The following PCDH15 variants were observed in gnomAD, a reference collection of about 807,000 sequenced individuals.
PCDH15 encodes protocadherin-15.
Under a neutral mutation model 178.5 loss-of-function variants are expected in PCDH15, and 129 were observed. That is an observed-to-expected ratio of 0.72 (90% CI 0.63 to 0.84). The LOEUF is 0.84. PCDH15 is among the 40% of genes least tolerant of loss of function. The pLI is 0.00. For synonymous variants in PCDH15, 800 were observed against 732.0 expected, an observed-to-expected ratio of 1.09 and a Z score of -1.50; for missense variants, 2,230 against 2,099.9, an observed-to-expected ratio of 1.06 and a Z score of -1.21.
intron 2 of PCDH15, among the ~76,000 whole-genome samples, chr10:55,128,232 C>CT (rs947724133): frequency 7.9e-5 from 12 of 151,762 alleles, no homozygotes; most frequent in Non-Finnish European, 1.5e-4. Context: ...TACTACCATC[C>CT]TTTTTTTTCT....
rs985293805 is a variant in PCDH15, at chr10:53,808,866, C to T, written c.4671+1690G>A. The T allele has an allele frequency of 3.7e-6, 6 of 1,606,128 alleles. No homozygotes were observed. The Admixed American group carries it at 1.0e-4, about 27-fold the overall frequency. ...CCTCCTCACTTTCCACACCTCCTTC[C>T]ACCGAAGCTGATTCTGCACTGCCCT... On this transcript the variant is annotated intron_variant, in intron 37 of 37. Coordinates refer to ENST00000644397, the MANE Select transcript of PCDH15 (RefSeq NM_001384140.1).
intron 8 of PCDH15, among the ~76,000 whole-genome samples, chr10:54,305,312 A>C (rs2060398027): frequency 6.6e-6 from 1 of 152,066 alleles, no homozygotes; most frequent in Non-Finnish European, 1.5e-5. Flanking sequence ...CTTAGAGAGG[A>C]ATATATTTTA....
chr10:53,824,748 A>C (rs148826248), intron 32 of PCDH15, among the ~76,000 whole-genome samples: 2 of 152,200 alleles, frequency 1.3e-5, no homozygotes, highest in East Asian at 3.9e-4. Flanking sequence ...TCGTGGTTTG[A>C]TTTCTCTTGG....
At chr10:54,369,607 T>G (rs1362419483) in intron 4 of PCDH15, among the ~76,000 whole-genome samples, 1 of 152,002 alleles carries the variant, frequency 6.6e-6, no homozygotes, top group Non-Finnish European at 1.5e-5. Flanking sequence ...ATATAAACTT[T>G]TAATTTGAAG....
At chr10:55,033,651 T>C (rs1840665569) in intron 2 of PCDH15, among the ~76,000 whole-genome samples, 1 of 152,202 alleles carries the variant, frequency 6.6e-6, no homozygotes, top group African/African-American at 2.4e-5. Flanking sequence ...GTTTCACTTA[T>C]ATGATGTTTA....
At chr10:55,193,853 AGAGTAGT>A (rs1840008917) in intron 1 of PCDH15, among the ~76,000 whole-genome samples, 1 of 151,942 alleles carries the variant, frequency 6.6e-6, no homozygotes, top group Non-Finnish European at 1.5e-5. Context: ...AGACATATTG[AGAGTAGT>A]GTTGCAGCTT....
chr10:54,946,759 C>T (rs1021563707), intron 2 of PCDH15, among the ~76,000 whole-genome samples: 6 of 151,692 alleles, frequency 4.0e-5, no homozygotes, highest in African/African-American at 2.4e-5. Flanking sequence ...CTTGATGGAG[C>T]AATTGTATGA....
chr10:54,615,993 T>C (rs149089799), intron 2 of PCDH15, among the ~76,000 whole-genome samples: 1,935 of 152,196 alleles, frequency 0.013, 44 homozygotes, highest in African/African-American at 0.045. Context: ...GGACTATACT[T>C]GGAAATTGTT....
chr10:54,874,649 A>G (rs1455994984), intron 3 of PCDH15, among the ~76,000 whole-genome samples: 1 of 152,198 alleles, frequency 6.6e-6, no homozygotes, highest in Non-Finnish European at 1.5e-5. Flanking sequence ...GACTTGAGAA[A>G]AAAACACTAA....
Position 54,066,880 on chromosome 10 carries a change from T to G in PCDH15, c.2097A>C (p.Ser699=). 1 of 1,613,112 alleles carries G rather than the reference T, an allele frequency of 6.2e-7. No homozygotes were observed. The highest frequency in any genetic ancestry group is 8.5e-7 in the Non-Finnish European group (1 of 1,179,350). ...TCACCACTATGTTTACTGTGGCAGT[T>G]GAGGTCTTAAAGAAAAACACAAGCA... ...TASDGRPDGT[S]TATVNIVVTD... The change falls in exon 18 of 38, where the codon TCA becomes TCC. Residue 699 remains serine, a synonymous_variant. Coordinates refer to ENST00000644397, the MANE Select transcript of PCDH15 (RefSeq NM_001384140.1).
intron 29 of PCDH15, among the ~76,000 whole-genome samples, chr10:53,839,237 AC>A (rs2077498786): frequency 6.7e-6 from 1 of 150,302 alleles, no homozygotes; most frequent in South Asian, 2.1e-4. Context: ...TTGATGAGTA[AC>A]ATGTTAAATA....
At chr10:54,543,487 C>T (rs1168381464) in intron 2 of PCDH15, among the ~76,000 whole-genome samples, 1 of 152,206 alleles carries the variant, frequency 6.6e-6, no homozygotes, top group Non-Finnish European at 1.5e-5. Flanking sequence ...ACCCCCAACG[C>T]ATGCCCTGCG....
At chr10:55,168,467 A>G (rs1350728366) in intron 1 of PCDH15, among the ~76,000 whole-genome samples, 1 of 152,238 alleles carries the variant, frequency 6.6e-6, no homozygotes, top group African/African-American at 2.4e-5. Flanking sequence ...TCCTGACTGG[A>G]CATTAGCTCT....
At chr10:54,796,208 T>C (rs1443892712) in intron 1 of PCDH15, among the ~76,000 whole-genome samples, 2 of 148,878 alleles carry the variant, frequency 1.3e-5, no homozygotes, top group East Asian at 3.9e-4. Context: ...GGCTCTCTTC[T>C]CTGTCTTTCT....
intron 23 of PCDH15, among the ~76,000 whole-genome samples, chr10:53,943,106 C>T (rs921932349): frequency 5.9e-5 from 9 of 152,106 alleles, no homozygotes; most frequent in African/African-American, 2.2e-4. Flanking sequence ...AAATTTTATA[C>T]TTTCCATAAT....
intron 2 of PCDH15, among the ~76,000 whole-genome samples, chr10:55,152,316 G>A (rs990621569): frequency 5.9e-5 from 9 of 151,548 alleles, no homozygotes; most frequent in African/African-American, 1.9e-4. Context: ...CACATAATAG[G>A]TCCGTATAGG....
intron 3 of PCDH15, among the ~76,000 whole-genome samples, chr10:54,387,780 C>CT (rs1214296532): frequency 6.6e-6 from 1 of 152,196 alleles, no homozygotes; most frequent in African/African-American, 2.4e-5. Flanking sequence ...TTTGAGACAG[C>CT]TCCCATCTCC....
chr10:54,449,207 T>A (rs1930149), intron 3 of PCDH15, among the ~76,000 whole-genome samples: 1 of 151,492 alleles, frequency 6.6e-6, no homozygotes, highest in African/African-American at 2.4e-5. Flanking sequence ...CACTTCCCAC[T>A]GAACCTGAGC....
intron 1 of PCDH15, among the ~76,000 whole-genome samples, chr10:54,716,077 T>G (rs1591237290): frequency 6.6e-6 from 1 of 152,242 alleles, no homozygotes; most frequent in South Asian, 2.1e-4. Flanking sequence ...CATCTCCTGG[T>G]TCTCACAGGC....
Sources: allele counts gnomAD v4.1 joint callset (sites outside exome capture counted in the v4.1 genomes callset), GRCh38; gene constraint gnomAD v4.1.1; transcripts MANE v1.5; gene names NCBI Gene and HGNC (gene_info 2026-07-23, HGNC 2026-07-21).